The following GRID1 variants were observed in gnomAD, a reference collection of about 807,000 sequenced individuals.
The protein encoded by GRID1 is glutamate receptor ionotropic, delta-1.
Under a neutral mutation model 98.0 loss-of-function variants are expected in GRID1, and 28 were observed. The ratio of observed to expected loss-of-function variants is 0.29; its 90% CI spans 0.21 to 0.39. The LOEUF (loss-of-function observed/expected upper bound fraction) is 0.39, where lower values mean the gene tolerates loss of function less well. Ranked by LOEUF, GRID1 falls within the 10% of genes least tolerant of loss-of-function variation. The probability of loss-of-function intolerance (pLI) is 1.00; values close to 1 mark genes in which losing one functional copy is unlikely to be tolerated. For missense variants in GRID1, 1,111 were observed against 1,340.5 expected, an observed-to-expected ratio of 0.83 and a Z score of 2.67; for synonymous variants, 553 against 538.5, an observed-to-expected ratio of 1.03 and a Z score of -0.37.
intron 15 of GRID1, among the ~76,000 whole-genome samples, chr10:85,612,711 A>C (rs1842747562): frequency 6.6e-6 from 1 of 151,508 alleles, no homozygotes; most frequent in Non-Finnish European, 1.5e-5. Flanking sequence ...TCTCCGGGGG[A>C]CCTTGGTGAA....
intron 2 of GRID1, among the ~76,000 whole-genome samples, chr10:86,232,415 G>T (rs1207657970): frequency 2.6e-5 from 4 of 152,178 alleles, no homozygotes; most frequent in African/African-American, 9.7e-5. Flanking sequence ...ACTCAGTGAG[G>T]TTTCACAAGC....
intron 4 of GRID1, among the ~76,000 whole-genome samples, chr10:86,116,987 CACCATCACCACCATCATT>C (rs1194842744): frequency 6.6e-6 from 1 of 152,028 alleles, no homozygotes; most frequent in Non-Finnish European, 1.5e-5. Context: ...CAACCTTCAT[CACCATCACCACCATCATT>C]ACCACAATCA....
chr10:86,282,445 C>G (rs1847369646), intron 2 of GRID1, among the ~76,000 whole-genome samples: 4 of 152,138 alleles, frequency 2.6e-5, no homozygotes, highest in Admixed American at 2.6e-4. Context: ...GATCCAGGTG[C>G]CGGCTGAGCC....
At chr10:86,086,617 A>AGT (rs527504279) in intron 4 of GRID1, among the ~76,000 whole-genome samples, 9 of 151,988 alleles carry the variant, frequency 5.9e-5, no homozygotes, top group Admixed American at 1.3e-4. Flanking sequence ...TGTGTGCGCA[A>AGT]GTGTGTGTGT....
At chr10:86,209,147 T>C (rs573780369) in intron 2 of GRID1, among the ~76,000 whole-genome samples, 34 of 152,310 alleles carry the variant, frequency 2.2e-4, no homozygotes, top group Admixed American at 1.0e-3. Context: ...GAAGGAAATA[T>C]TGCAAAATGT....
intron 6 of GRID1, among the ~76,000 whole-genome samples, chr10:85,856,976 C>A (rs930691073): frequency 1.3e-5 from 2 of 152,138 alleles, no homozygotes; most frequent in African/African-American, 2.4e-5. Context: ...GGGAGAAGGA[C>A]GCCTTTGTTG....
At position 85,600,312 on chromosome 10, in the gene GRID1, A is replaced by T. The variant is rs997098482; in HGVS notation, c.*1961T>A. On this transcript the variant is annotated 3_prime_UTR_variant, in exon 16 of 16. Transcript: ENST00000327946. ...AATGGATTGCCTAGGTAGCACGAAT[A>T]TCAGACCATTCTCAGCATCCAGCAA... 6.6e-6 allele frequency: 1 copy of T among 152,136 alleles called. No individual in the cohort carries two copies. The highest frequency in any genetic ancestry group is 1.5e-5 in the Non-Finnish European group (1 of 68,024). 9.4% of individuals were successfully genotyped at this position (152,136 alleles called of 1,614,324 possible).
intron 12 of GRID1, among the ~76,000 whole-genome samples, chr10:85,654,118 C>T (rs148570283): frequency 6.6e-6 from 1 of 152,140 alleles, no homozygotes; most frequent in African/African-American, 2.4e-5. Flanking sequence ...AAAATGCACG[C>T]TTCCATAGGT....
intron 2 of GRID1, among the ~76,000 whole-genome samples, chr10:86,290,653 AAAAATAAAATAAAAT>A (rs55827038): frequency 8.7e-5 from 13 of 149,600 alleles, no homozygotes; most frequent in African/African-American, 3.2e-4. Context: ...ACTCTGTCTC[AAAAATAAAATAAAAT>A]AAAATAAAAT....
At chr10:86,051,115 T>C (rs765114968) in intron 4 of GRID1, among the ~76,000 whole-genome samples, 6 of 151,246 alleles carry the variant, frequency 4.0e-5, no homozygotes, top group Non-Finnish European at 7.4e-5. Flanking sequence ...TAAAAATATA[T>C]AGAATAAAGC....
At chr10:85,840,739 T>C (rs555591761) in intron 8 of GRID1, among the ~76,000 whole-genome samples, 15 of 152,210 alleles carry the variant, frequency 9.9e-5, no homozygotes, top group African/African-American at 1.9e-4. Context: ...CCATTCACAA[T>C]TGCCACAAAA....
At chr10:85,972,423 T>C (rs1489830866) in intron 4 of GRID1, among the ~76,000 whole-genome samples, 1 of 148,616 alleles carries the variant, frequency 6.7e-6, no homozygotes, top group Non-Finnish European at 1.5e-5. Flanking sequence ...GCCTTAGTCA[T>C]GTATATATTT....
intron 4 of GRID1, among the ~76,000 whole-genome samples, chr10:86,124,567 C>T (rs1487330650): frequency 6.6e-6 from 1 of 152,152 alleles, no homozygotes; most frequent in African/African-American, 2.4e-5. Context: ...CTCTTCTTAC[C>T]TTACTGTATT....
intron 2 of GRID1, among the ~76,000 whole-genome samples, chr10:86,350,657 T>A (rs1480992163): frequency 1.3e-5 from 2 of 151,984 alleles, no homozygotes; most frequent in Admixed American, 6.5e-5. Context: ...CTGCCTTTTT[T>A]AAAATTGATG....
chr10:85,769,567 G>A (rs192014896), intron 8 of GRID1, among the ~76,000 whole-genome samples: 6 of 152,188 alleles, frequency 3.9e-5, no homozygotes, highest in East Asian at 1.9e-4. Context: ...TTCCCTTTCC[G>A]AGTCAAAGAA....
At chr10:85,895,108 G>A (rs1338983397) in intron 5 of GRID1, among the ~76,000 whole-genome samples, 1 of 150,182 alleles carries the variant, frequency 6.7e-6, no homozygotes, top group Non-Finnish European at 1.5e-5. Context: ...CTACTTGAAG[G>A]TGCTTGTTTT....
At chr10:85,624,983 T>C (rs75237123) in intron 13 of GRID1, among the ~76,000 whole-genome samples, 1 of 152,180 alleles carries the variant, frequency 6.6e-6, no homozygotes, top group Non-Finnish European at 1.5e-5. Flanking sequence ...ATAAAGACTT[T>C]ACAAAAACAC....
At chr10:86,007,822 T>TTTTTTTA (rs1842881127) in intron 4 of GRID1, among the ~76,000 whole-genome samples, 1 of 148,748 alleles carries the variant, frequency 6.7e-6, no homozygotes, top group African/African-American at 2.5e-5. Context: ...TTTTGTGTTT[T>TTTTTTTA]TTTATTTATT....
At chr10:85,854,843 G>T (rs1416647518) in intron 7 of GRID1, among the ~76,000 whole-genome samples, 1 of 152,196 alleles carries the variant, frequency 6.6e-6, no homozygotes, top group African/African-American at 2.4e-5. Flanking sequence ...GCTTGCACCT[G>T]TCATTCATAC....
Sources: gnomAD v4.1 joint callset for allele counts (sites outside exome capture counted in the v4.1 genomes callset) on GRCh38, gnomAD v4.1.1 for gene constraint, MANE v1.5 for transcripts, NCBI Gene and HGNC (gene_info 2026-07-23, HGNC 2026-07-21) for gene names.